The following CREB1 variants were observed in gnomAD, a reference collection of about 807,000 sequenced individuals.
CREB1 encodes the protein cyclic AMP-responsive element-binding protein 1.
A neutral mutation model predicts 42.0 loss-of-function variants in CREB1; 2 were observed. The observed-to-expected ratio is 0.05, with a 90% confidence interval of 0.02 to 0.15. The LOEUF (loss-of-function observed/expected upper bound fraction) is 0.15, where lower values mean the gene tolerates loss of function less well. CREB1 is among the 10% of genes least tolerant of loss of function. The pLI, the probability that CREB1 is intolerant of heterozygous loss-of-function variation, is 1.00. For missense variants in CREB1, 199 were observed against 388.9 expected (o/e 0.51, Z 4.11); for synonymous variants, 123 against 139.9 (o/e 0.88, Z 0.85).
At chr2:207,591,364 G>A (rs760783818) in intron 7 of CREB1, among the ~76,000 whole-genome samples, 1 of 152,066 alleles carries the variant, frequency 6.6e-6, no homozygotes, top group Non-Finnish European at 1.5e-5. Flanking sequence ...CTTTATCCCT[G>A]ACAATATTCC....
At chr2:207,596,383 A>C (rs766038283) in intron 7 of CREB1, among the ~76,000 whole-genome samples, 1 of 152,202 alleles carries the variant, frequency 6.6e-6, no homozygotes, top group Non-Finnish European at 1.5e-5. Context: ...ATTAATAGTA[A>C]GATGTAATTT....
At chr2:207,530,565 C>A (rs1298694887) in intron 1 of CREB1, among the ~76,000 whole-genome samples, 2 of 146,294 alleles carry the variant, frequency 1.4e-5, no homozygotes, top group South Asian at 2.1e-4. Context: ...CGCTGCCCCC[C>A]GCGCCGCTCG....
At chr2:207,580,638 C>G (rs2082851134) in intron 7 of CREB1, 1 of 219,506 alleles carries the variant, frequency 4.6e-6, no homozygotes, top group Non-Finnish European at 9.1e-6. Context: ...AAATTCATCA[C>G]TATCCAAATT....
chr2:207,544,738 C>T (rs1014474701), intron 1 of CREB1, among the ~76,000 whole-genome samples: 2 of 152,106 alleles, frequency 1.3e-5, no homozygotes, highest in African/African-American at 4.8e-5. Context: ...CTGACAGGCC[C>T]CAGTGTGTGT....
intron 1 of CREB1, among the ~76,000 whole-genome samples, chr2:207,531,632 A>T (rs914266679): frequency 2.0e-5 from 3 of 152,218 alleles, no homozygotes; most frequent in Admixed American, 2.0e-4. Context: ...AATCTTTTAC[A>T]TTTATGGCTC....
At chr2:207,547,397 G>C (rs1032551026) in intron 1 of CREB1, among the ~76,000 whole-genome samples, 1 of 152,156 alleles carries the variant, frequency 6.6e-6, no homozygotes, top group South Asian at 2.1e-4. Context: ...GCTAGTTTAC[G>C]AAGCAGAACT....
At chr2:207,593,393 G>A (rs1379567708) in intron 7 of CREB1, among the ~76,000 whole-genome samples, 1 of 152,162 alleles carries the variant, frequency 6.6e-6, no homozygotes, top group Non-Finnish European at 1.5e-5. Flanking sequence ...AGCTGGGCAT[G>A]GTGGTGCATG....
At chr2:207,567,035 C>A (rs1228067632) in intron 3 of CREB1, among the ~76,000 whole-genome samples, 1 of 152,092 alleles carries the variant, frequency 6.6e-6, no homozygotes, top group Non-Finnish European at 1.5e-5. Flanking sequence ...TACTGTACAA[C>A]TGTAAATATA....
intron 6 of CREB1, among the ~76,000 whole-genome samples, chr2:207,576,241 C>CTTTTTTTTTTTTTTTTTTTG (rs35735523): frequency 1.4e-4 from 14 of 101,066 alleles, no homozygotes; most frequent in Admixed American, 2.3e-4. Flanking sequence ...CTTTTTTTGG[C>CTTTTTTTTTTTTTTTTTTTG]TTTTTTTTTT....
intron 1 of CREB1, among the ~76,000 whole-genome samples, chr2:207,532,420 A>T (rs1317725833): frequency 3.3e-5 from 5 of 152,096 alleles, no homozygotes; most frequent in African/African-American, 1.2e-4. Context: ...CACATCTGTA[A>T]TCCCAGCACT....
At position 207,604,470 on chromosome 2, in the gene CREB1, T is replaced by C. The variant is rs1216871423; in HGVS notation, c.*7412T>C. 9.5e-6 allele frequency among the ~76,000 whole-genome samples: 1 copy of C among 105,324 alleles called. No individual in the cohort carries two copies. The highest frequency in any genetic ancestry group is 3.4e-4 in the East Asian group (1 of 2,952). The allele number at this position is 105,324 out of a possible 152,430, so 69.1% of individuals were successfully genotyped here. ...TCAGTGTTATCCTTCTTCTTAACTG[T>C]GCGTCCTAATTTCTCCACATCTTTC... is the stretch of plus-strand genomic sequence containing the variant. On this transcript the variant is annotated 3_prime_UTR_variant, in exon 8 of 8. Transcript: ENST00000353267.
rs1559043695 is a variant in CREB1, at chr2:207,570,309, A to G, written c.493A>G (p.Ser165Gly). 2 of 1,611,714 alleles carry G rather than the reference A, an allele frequency of 1.2e-6. No individual in the cohort carries two copies. The highest frequency in any genetic ancestry group is 1.1e-5 in the South Asian group (1 of 90,600). Residue 165 changes from serine to glycine, a missense_variant, in exon 5 of 8, where the codon AGT (serine) becomes GGT (glycine). By Grantham distance (56) the Ser-to-Gly change is moderately conservative. Transcript: ENST00000353267. Reference sequence around the variant, plus strand: ...GCCAACTCCAATTTACCAAACTAGCAGTGGACAGTATAGTGAGTAATAGAC... The same window carrying G: ...GCCAACTCCAATTTACCAAACTAGCGGTGGACAGTATAGTGAGTAATAGAC... ...TVPTPIYQTSSGQYIAITQGG... is the reference protein window; with the variant it reads ...TVPTPIYQTSGGQYIAITQGG...
chr2:207,544,698 GATGCTCTTCCTC>G (rs1303984184), intron 1 of CREB1, among the ~76,000 whole-genome samples: 1 of 152,092 alleles, frequency 6.6e-6, no homozygotes, highest in Non-Finnish European at 1.5e-5. Context: ...TGTTCTTCCT[GATGCTCTTCCTC>G]CTCCCACCCC....
intron 1 of CREB1, among the ~76,000 whole-genome samples, chr2:207,538,394 C>G (rs1337759279): frequency 1.3e-5 from 2 of 152,012 alleles, no homozygotes; most frequent in African/African-American, 4.8e-5. Flanking sequence ...ATCTCAACTC[C>G]TAAAAAAGAA....
intron 1 of CREB1, among the ~76,000 whole-genome samples, chr2:207,539,651 A>G (rs1160138527): frequency 1.3e-5 from 2 of 152,186 alleles, no homozygotes; most frequent in African/African-American, 4.8e-5. Flanking sequence ...GGATGATGAA[A>G]TAGTGTAAGA....
chr2:207,568,205 A>G (rs2082213537), intron 4 of CREB1: 1 of 152,000 alleles, frequency 6.6e-6, no homozygotes, highest in Non-Finnish European at 1.5e-5. Flanking sequence ...GTTAGTGTAA[A>G]TTATTTTTTA....
intron 1 of CREB1, among the ~76,000 whole-genome samples, chr2:207,535,384 T>A (rs920846660): frequency 6.6e-6 from 1 of 152,208 alleles, no homozygotes; most frequent in Admixed American, 6.5e-5. Context: ...ATAGCTTTCT[T>A]TCTTAATGAG....
intron 1 of CREB1, among the ~76,000 whole-genome samples, chr2:207,531,261 C>T (rs1343298826): frequency 6.6e-6 from 1 of 152,140 alleles, no homozygotes; most frequent in East Asian, 1.9e-4. Flanking sequence ...CTCCCCTCAC[C>T]CTCCGTCCCA....
chr2:207,532,253 G>C (rs1229990976), intron 1 of CREB1, among the ~76,000 whole-genome samples: 1 of 151,820 alleles, frequency 6.6e-6, no homozygotes, highest in Non-Finnish European at 1.5e-5. Context: ...TACTCGGGGG[G>C]CTGGGGTTGC....
Sources: allele counts gnomAD v4.1 joint callset (sites outside exome capture counted in the v4.1 genomes callset), GRCh38; gene constraint gnomAD v4.1.1; transcripts MANE v1.5; gene names NCBI Gene and HGNC (gene_info 2026-07-23, HGNC 2026-07-21).